Variants in NCAPH observed in about 807,000 individuals in gnomAD.
The protein encoded by NCAPH is non-SMC condensin I complex subunit H.
Under a neutral mutation model 85.5 loss-of-function variants are expected in NCAPH, and 38 were observed. The observed-to-expected ratio is 0.44, with a 90% CI of 0.34 to 0.58. NCAPH has a LOEUF of 0.58. Ranked by LOEUF, NCAPH falls within the 20% of genes least tolerant of loss-of-function variation. The pLI is 0.01. For synonymous variants in NCAPH, 301 were observed against 335.1 expected, an observed-to-expected ratio of 0.90 and a Z score of 1.11; for missense variants, 789 against 916.6, an observed-to-expected ratio of 0.86 and a Z score of 1.80.
In NCAPH at chr2:96,365,801, A is replaced by G. The variant is rs550085102; in HGVS notation, c.1699-75A>G. ...GATGGTCTCTTCTTGCTTTGTAAAC[A>G]TGGAGTCTATTTCAAGGGTGTTTCT... On this transcript the variant is annotated intron_variant, in intron 13 of 17. Coordinates refer to ENST00000240423, the MANE Select transcript of NCAPH (RefSeq NM_015341.5). The G allele has an allele frequency of 3.7e-5, 53 of 1,436,634 alleles. No individual in the cohort carries two copies. The African/African-American group carries it at 4.8e-4, about 13-fold the overall frequency. The allele number at this position is 1,436,634 out of a possible 1,614,324, so 89.0% of individuals were successfully genotyped here.
intron 6 of NCAPH, among the ~76,000 whole-genome samples, chr2:96,350,509 G>A (rs1194154238): frequency 5.3e-5 from 8 of 152,158 alleles, no homozygotes; most frequent in Admixed American, 5.2e-4. Flanking sequence ...AAAAAAATAG[G>A]TATTTTTAGG....
At chr2:96,362,317 A>G (rs2064635987) in intron 12 of NCAPH, among the ~76,000 whole-genome samples, 1 of 152,072 alleles carries the variant, frequency 6.6e-6, no homozygotes, top group Non-Finnish European at 1.5e-5. Context: ...ACTCTTATGG[A>G]TGATTTTGAG....
rs771147681 is a variant in NCAPH at position 96,364,589 on chromosome 2, C to T, written c.1696C>T (p.Gln566Ter). ...NDTSNFCPGL[Q>*]AADSDDEDLD... ...CACCTCCAACTTTTGCCCTGGATTA[C>T]AGGTAAAGGGGGGAAAGGGGCTCTG... Residue 566 changes from glutamine to a stop codon, truncating the protein, a stop_gained and splice_region_variant, in exon 13 of 18, where the codon CAG (glutamine) becomes TAG (stop). Transcript: ENST00000240423. LOFTEE classifies it high-confidence loss of function. 3 of 1,600,620 alleles carry T rather than the reference C, an allele frequency of 1.9e-6. No homozygotes were observed. Among genetic ancestry groups the T allele is most frequent in the Non-Finnish European group, 2.6e-6 (3 of 1,167,964 alleles).
chr2:96,337,807 G>GCTGAGCGCAAGCAGGCTCAGCTTC, intron 1 of NCAPH, among the ~76,000 whole-genome samples: 2 of 152,320 alleles, frequency 1.3e-5, no homozygotes, highest in Admixed American at 1.3e-4. Flanking sequence ...CGGCAGCCTT[G>GCTGAGCGCAAGCAGGCTCAGCTTC]CTGAGCGCAA....
At position 96,341,760 on chromosome 2, in the gene NCAPH, TC is replaced by T; in HGVS notation, c.140del (p.Pro47LeufsTer87). On this transcript the variant is annotated frameshift_variant, in exon 2 of 18. Transcript: ENST00000240423. LOFTEE classifies it high-confidence loss of function. ...TGCCCAGGAAGGCGCCTCTCAATAT[TC>T]CTGGCACCCCAGTCCTCGAAGACTT... ...PLPRKAPLNI[P>X]GTPVLEDFPQ... The T allele has an allele frequency of 6.2e-7, 1 of 1,614,170 alleles. No individual in the cohort carries two copies. The highest frequency in any genetic ancestry group is 1.3e-5 in the African/African-American group (1 of 75,048).
chr2:96,354,018 G>A (rs531090640), intron 8 of NCAPH, among the ~76,000 whole-genome samples, 165 bp from the exon 9 acceptor site: 27 of 152,180 alleles, frequency 1.8e-4, no homozygotes, highest in African/African-American at 6.3e-4. Context: ...CTGTACTATC[G>A]TGAGAGTCTT....
Position 96,374,015 on chromosome 2 carries a change from A to G in NCAPH, c.*664A>G, listed in dbSNP as rs1325332993. The stretch of plus-strand genomic sequence containing the variant: ...GAGAGAGATTGCTGACTGGACATTC[A>G]GATGCAAGACTGGGTCCTGCTTAAA... On this transcript the variant is annotated 3_prime_UTR_variant, in exon 18 of 18. Transcript: ENST00000240423. Among the ~76,000 whole-genome samples the G allele has an allele frequency of 6.6e-6, 1 of 152,240 alleles. No homozygotes were observed. Among genetic ancestry groups the G allele is most frequent in the Non-Finnish European group, 1.5e-5 (1 of 68,036 alleles).
intron 17 of NCAPH, among the ~76,000 whole-genome samples, chr2:96,372,649 C>T (rs1374472049): frequency 6.6e-6 from 1 of 152,186 alleles, no homozygotes; most frequent in Non-Finnish European, 1.5e-5. Flanking sequence ...GTGGCTCTCC[C>T]ATTAGTCACT....
In NCAPH at chr2:96,373,375, C is replaced by T; in HGVS notation, c.*24C>T. ...GAGTTCACTATGGAGAAGTCAGCAGCAGGAGGCCCATCCCTTACTCAGTTG... is the reference window on the plus strand; with the variant it reads ...GAGTTCACTATGGAGAAGTCAGCAGTAGGAGGCCCATCCCTTACTCAGTTG... On this transcript the variant is annotated 3_prime_UTR_variant, in exon 18 of 18. Coordinates refer to ENST00000240423, the MANE Select transcript of NCAPH (RefSeq NM_015341.5). 1 of 1,606,470 alleles carries T rather than the reference C, an allele frequency of 6.2e-7. No homozygotes were observed.
chr2:96,366,082 T>C, intron 14 of NCAPH, 24 bp downstream of exon 14: 4 of 1,609,808 alleles, frequency 2.5e-6, no homozygotes, highest in Non-Finnish European at 3.4e-6. Flanking sequence ...AGCTGAGAAT[T>C]ACATTGTTTG....
rs757313952 is a variant in NCAPH, at chr2:96,367,381, G to T, written c.1998+8G>T. On this transcript the variant is annotated splice_region_variant and intron_variant, in intron 15 of 17. Coordinates refer to ENST00000240423, the MANE Select transcript of NCAPH (RefSeq NM_015341.5). The stretch of plus-strand genomic sequence containing the variant: ...AAGGAGGCAGATGCAGAGGTCAGAT[G>T]CTCTTGCCTGTTCTCTAGGTGCCCA... 4.4e-6 allele frequency: 7 copies of T among 1,598,296 alleles called. No homozygotes were observed. In the South Asian group the frequency reaches 5.5e-5, roughly 13 times the overall value.
intron 5 of NCAPH, 119 bp from the exon 6 acceptor site, chr2:96,343,985 AG>A: frequency 7.7e-7 from 1 of 1,297,160 alleles, no homozygotes; most frequent in Non-Finnish European, 1.1e-6. Flanking sequence ...TACAGGCATG[AG>A]CCACCACACC....
intron 3 of NCAPH, among the ~76,000 whole-genome samples, chr2:96,342,449 C>T (rs930903803): frequency 6.6e-6 from 1 of 152,194 alleles, no homozygotes; most frequent in African/African-American, 2.4e-5. Flanking sequence ...CTTCCGTGTC[C>T]TCTGGAGAAT....
At chr2:96,357,138 G>A (rs890886902) in intron 9 of NCAPH, among the ~76,000 whole-genome samples, 2 of 152,236 alleles carry the variant, frequency 1.3e-5, no homozygotes, top group South Asian at 4.1e-4. Flanking sequence ...TCACGCATGC[G>A]AGAATGAAAC....
At chr2:96,355,111 TA>T (rs2064505953) in intron 9 of NCAPH, among the ~76,000 whole-genome samples, 1 of 152,222 alleles carries the variant, frequency 6.6e-6, no homozygotes, top group South Asian at 2.1e-4. Context: ...AGAATTGGTT[TA>T]GTAATTAAAT....
chr2:96,348,888 G>A (rs2064398582), intron 6 of NCAPH, among the ~76,000 whole-genome samples: 1 of 151,826 alleles, frequency 6.6e-6, no homozygotes, highest in Non-Finnish European at 1.5e-5. Context: ...GATCTCAAGT[G>A]ATCTACCCAC....
chr2:96,347,639 G>A (rs1003508840), intron 6 of NCAPH, among the ~76,000 whole-genome samples: 1 of 152,166 alleles, frequency 6.6e-6, no homozygotes, highest in African/African-American at 2.4e-5. Flanking sequence ...CTGTGGTGGG[G>A]TGGGAGGTGG....
chr2:96,340,788 T>G (rs1373519060), intron 1 of NCAPH, among the ~76,000 whole-genome samples: 1 of 151,734 alleles, frequency 6.6e-6, no homozygotes, highest in Non-Finnish European at 1.5e-5. Flanking sequence ...CCGGCCTTTT[T>G]TTTTTTTTTT....
intron 13 of NCAPH, among the ~76,000 whole-genome samples, chr2:96,365,221 G>C (rs1039145690): frequency 1.3e-5 from 2 of 152,132 alleles, no homozygotes; most frequent in African/African-American, 2.4e-5. Flanking sequence ...ATGTGGAAAG[G>C]GGGGAACGAA....
Sources: allele counts gnomAD v4.1 joint callset (sites outside exome capture counted in the v4.1 genomes callset), GRCh38; gene constraint gnomAD v4.1.1; transcripts MANE v1.5; gene names NCBI Gene and HGNC (gene_info 2026-07-23, HGNC 2026-07-21).